SPHKAP: variants seen among roughly 807,000 people sequenced by gnomAD.
SPHKAP encodes SPHK1 interactor, AKAP domain containing, also known as A-kinase anchor protein SPHKAP.
SPHKAP carries 67 observed loss-of-function variants against 137.5 expected under a neutral mutation model. That is an observed-to-expected ratio of 0.49 (90% CI 0.40 to 0.60). The LOEUF (loss-of-function observed/expected upper bound fraction) is 0.60, where lower values mean the gene tolerates loss of function less well. Ranked by LOEUF, SPHKAP falls within the 20% of genes least tolerant of loss-of-function variation. The pLI is 0.00. For synonymous variants in SPHKAP, 813 were observed against 785.3 expected, an observed-to-expected ratio of 1.04 and a Z score of -0.59; for missense variants, 2,097 against 2,069.3, an observed-to-expected ratio of 1.01 and a Z score of -0.26.
At chr2:228,087,152 C>G (rs1457322754) in intron 3 of SPHKAP, among the ~76,000 whole-genome samples, 1 of 152,126 alleles carries the variant, frequency 6.6e-6, no homozygotes, top group East Asian at 1.9e-4. Flanking sequence ...CCAGTGTCAT[C>G]CTAGGTGGTT....
At chr2:227,996,473 T>G (rs753755261) in intron 7 of SPHKAP, among the ~76,000 whole-genome samples, 8 of 152,188 alleles carry the variant, frequency 5.3e-5, no homozygotes, top group Non-Finnish European at 8.8e-5. Flanking sequence ...CCTTTAAGTG[T>G]AGCTATAGCT....
intron 3 of SPHKAP, among the ~76,000 whole-genome samples, chr2:228,043,419 C>T (rs762395636): frequency 6.6e-6 from 1 of 152,138 alleles, no homozygotes; most frequent in Non-Finnish European, 1.5e-5. Context: ...CTCTGCCTTC[C>T]AAGTTCAAGC....
At chr2:227,991,590 CTG>C (rs1437134364) in intron 9 of SPHKAP, 8 of 985,284 alleles carry the variant, frequency 8.1e-6, no homozygotes, top group Non-Finnish European at 9.6e-6. Context: ...GTGTGGGAGA[CTG>C]AGAGATGCAA....
chr2:228,081,812 T>C (rs1260248553), intron 3 of SPHKAP, among the ~76,000 whole-genome samples: 1 of 152,162 alleles, frequency 6.6e-6, no homozygotes, highest in East Asian at 1.9e-4. Flanking sequence ...GTTGAGAAGA[T>C]GTTGGTCAAA....
At chr2:228,009,574 A>C (rs986454744) in intron 7 of SPHKAP, among the ~76,000 whole-genome samples, 4 of 152,074 alleles carry the variant, frequency 2.6e-5, no homozygotes, top group African/African-American at 9.7e-5. Context: ...CCTTATAATG[A>C]GTGATATTTT....
chr2:228,164,282 T>C (rs1700357888), intron 1 of SPHKAP, among the ~76,000 whole-genome samples: 1 of 152,288 alleles, frequency 6.6e-6, no homozygotes, highest in African/African-American at 2.4e-5. Context: ...TTCCCTGGTC[T>C]GGAGACTTTC....
In SPHKAP at chr2:227,990,855, T is replaced by A. The variant is rs1436024296; in HGVS notation, c.4959+145A>T. ...TATTATATTTACACAGGTGGAAGAT[T>A]TCAATGTTCTAGCCGCAATTTTAAG... On this transcript the variant is annotated intron_variant, in intron 11 of 11. Transcript: ENST00000392056. 3.4e-5 allele frequency: 27 copies of A among 799,418 alleles called. No individual in the cohort carries two copies. The East Asian group carries it at 5.1e-4, about 15-fold the overall frequency. The allele number at this position is 799,418 out of a possible 1,614,324, so 49.5% of individuals were successfully genotyped here. A position where few individuals can be genotyped will look rare whatever the true frequency, so the allele number is the denominator to read the frequency against.
intron 1 of SPHKAP, among the ~76,000 whole-genome samples, chr2:228,169,172 G>A (rs1335267551): frequency 6.6e-6 from 1 of 152,298 alleles, no homozygotes. Context: ...AGTGCTGATG[G>A]AGAAGCTGCA....
At chr2:227,985,494 A>G (rs1225562001) in intron 11 of SPHKAP, among the ~76,000 whole-genome samples, 6 of 152,142 alleles carry the variant, frequency 3.9e-5, no homozygotes. Flanking sequence ...TGTTCATGCT[A>G]TTGCCTGGGT....
chr2:228,173,008 A>G (rs1700630760), intron 1 of SPHKAP: 1 of 984,500 alleles, frequency 1.0e-6, no homozygotes, highest in Non-Finnish European at 1.2e-6. Flanking sequence ...AGCATTAATG[A>G]CCACTGCAAT....
chr2:228,001,320 AATAT>A (rs1186654720), intron 7 of SPHKAP, among the ~76,000 whole-genome samples: 3 of 142,622 alleles, frequency 2.1e-5, no homozygotes, highest in Non-Finnish European at 4.6e-5. Context: ...TACATATATA[AATAT>A]ATATACATAT....
chr2:228,072,809 G>C (rs73096679), intron 3 of SPHKAP, among the ~76,000 whole-genome samples: 2,823 of 152,304 alleles, frequency 0.019, 86 homozygotes, highest in African/African-American at 0.062. Flanking sequence ...TCTCAGTTTT[G>C]CAGCCCAGGT....
intron 1 of SPHKAP, among the ~76,000 whole-genome samples, chr2:228,166,041 G>A (rs957336302): frequency 6.6e-6 from 1 of 152,186 alleles, no homozygotes. Flanking sequence ...GTCTGGCAGA[G>A]TGAGAACAGT....
intron 3 of SPHKAP, among the ~76,000 whole-genome samples, chr2:228,043,550 C>T (rs1695927411): frequency 6.6e-6 from 1 of 152,198 alleles, no homozygotes; most frequent in Non-Finnish European, 1.5e-5. Flanking sequence ...TAGTCTTGAA[C>T]TCCTGACCTC....
intron 1 of SPHKAP, among the ~76,000 whole-genome samples, chr2:228,173,653 G>A (rs986452655): frequency 6.6e-6 from 1 of 152,078 alleles, no homozygotes; most frequent in Non-Finnish European, 1.5e-5. Flanking sequence ...TTTCTCCTGC[G>A]AAACCTCCAG....
intron 3 of SPHKAP, among the ~76,000 whole-genome samples, chr2:228,088,674 G>T (rs1697619845): frequency 6.6e-6 from 1 of 152,154 alleles, no homozygotes; most frequent in Admixed American, 6.5e-5. Context: ...CTCATGAATG[G>T]CTTAGCACCA....
chr2:228,158,799 C>T (rs368894208), intron 1 of SPHKAP, among the ~76,000 whole-genome samples: 1 of 152,162 alleles, frequency 6.6e-6, no homozygotes, highest in East Asian at 1.9e-4. Flanking sequence ...TCTGCCTTTC[C>T]CTAGGACTTT....
intron 1 of SPHKAP, among the ~76,000 whole-genome samples, chr2:228,170,014 G>T (rs1277176215): frequency 1.3e-5 from 2 of 151,908 alleles, no homozygotes; most frequent in Non-Finnish European, 2.9e-5. Context: ...ATTAATGAGA[G>T]TCTGGAAGAT....
rs576915185 is a variant in SPHKAP at position 228,013,371 on chromosome 2, C to G, written c.4448+3035G>C. On this transcript the variant is annotated intron_variant, in intron 7 of 11. Transcript: ENST00000392056. Reference sequence around the variant, plus strand: ...GGTTCAAGCAATTCTCTGTCTCAGCCCCCCAAGTAGCTGGGAAGGTGCCCT... The same window carrying G: ...GGTTCAAGCAATTCTCTGTCTCAGCGCCCCAAGTAGCTGGGAAGGTGCCCT... Among the ~76,000 whole-genome samples the G allele has an allele frequency of 5.3e-5, 8 of 152,254 alleles. No individual in the cohort carries two copies. In the East Asian group the frequency reaches 1.5e-3, roughly 29 times the overall value.
Sources: allele counts gnomAD v4.1 joint callset (sites outside exome capture counted in the v4.1 genomes callset), GRCh38; gene constraint gnomAD v4.1.1; transcripts MANE v1.5; gene names NCBI Gene and HGNC (gene_info 2026-07-23, HGNC 2026-07-21).